Variants in PTCD3 observed in about 807,000 individuals in gnomAD.
PTCD3 encodes the protein pentatricopeptide repeat domain 3.
Under a neutral mutation model 101.9 loss-of-function variants are expected in PTCD3, and 89 were observed. The ratio of observed to expected loss-of-function variants is 0.87; its 90% CI spans 0.74 to 1.04. The LOEUF (loss-of-function observed/expected upper bound fraction) is 1.04, where lower values mean the gene tolerates loss of function less well. PTCD3 is among the 50% of genes least tolerant of loss of function. The pLI, the probability that PTCD3 is intolerant of heterozygous loss-of-function variation, is 0.00. For missense variants in PTCD3, 870 were observed against 828.2 expected (o/e 1.05, Z -0.62); for synonymous variants, 296 against 278.5 (o/e 1.06, Z -0.63).
chr2:86,138,774 C>G lies in PTCD3; in HGVS notation c.*1215C>G, dbSNP rs1674638813. The G allele has an allele frequency of 6.6e-6, 1 of 151,928 alleles. No homozygotes were observed. The highest frequency in any genetic ancestry group is 1.5e-5 in the Non-Finnish European group (1 of 68,018). The allele number at this position is 151,928 out of a possible 1,614,324, so 9.4% of individuals were successfully genotyped here. A position where few individuals can be genotyped will look rare whatever the true frequency, so the allele number is the denominator to read the frequency against. The stretch of plus-strand genomic sequence containing the variant: ...TTGCAGGACAGAGAGAGTAAATTAG[C>G]CTTCAGTCTTGGTTTACAGCTTCCA... On this transcript the variant is annotated 3_prime_UTR_variant, in exon 24 of 24. Coordinates refer to ENST00000254630, the MANE Select transcript of PTCD3 (RefSeq NM_017952.6).
intron 7 of PTCD3, chr2:86,119,622 C>T (rs2104452856): frequency 6.5e-6 from 1 of 153,148 alleles, no homozygotes; most frequent in East Asian, 1.9e-4. Flanking sequence ...TCCGTAAGTA[C>T]TGTGATTACA....
chr2:86,116,931 T>C (rs929397061), intron 5 of PTCD3, 124 bp from the exon 6 acceptor site: 11 of 625,352 alleles, frequency 1.8e-5, no homozygotes, highest in Non-Finnish European at 2.6e-5. Context: ...TAATTTCTAA[T>C]TGGGATTCTG....
chr2:86,128,055 T>C, intron 14 of PTCD3, 64 bp downstream of exon 14: 1 of 1,286,500 alleles, frequency 7.8e-7, no homozygotes, highest in Non-Finnish European at 1.1e-6. Context: ...TGAGTTTATG[T>C]GATTAATTGT....
chr2:86,135,416 A>T (rs1321759000), intron 21 of PTCD3, among the ~76,000 whole-genome samples: 1 of 152,224 alleles, frequency 6.6e-6, no homozygotes, highest in Non-Finnish European at 1.5e-5. Flanking sequence ...GGAAGCTGGC[A>T]TTTACGCACA....
At position 86,108,361 on chromosome 2, in the gene PTCD3, G is replaced by A. The variant is rs995617520; in HGVS notation, c.116G>A (p.Gly39Asp). 6.2e-7 allele frequency: 1 copy of A among 1,608,388 alleles called. No individual in the cohort carries two copies. Among genetic ancestry groups the A allele is most frequent in the Non-Finnish European group, 8.5e-7 (1 of 1,177,932 alleles). ...EQARSCRFYS[G>D]SATLSKVEGT... ...TTGTTTTTTTGCAGATTTTATTCTG[G>A]TAGTGCAACCCTCTCAAAGGTTGAA... is the stretch of plus-strand genomic sequence containing the variant. The change falls in exon 2 of 24, where the codon GGT (glycine) becomes GAT (aspartate). Residue 39 changes from glycine (G) to aspartate (D), a missense_variant. Gly to Asp is a moderately conservative substitution (Grantham distance 94, BLOSUM62 -1). Transcript: ENST00000254630.
intron 16 of PTCD3, among the ~76,000 whole-genome samples, 172 bp downstream of exon 16, chr2:86,131,278 T>C (rs1402878224): frequency 1.3e-5 from 2 of 152,138 alleles, no homozygotes; most frequent in African/African-American, 2.4e-5. Flanking sequence ...GGAGGTTCAC[T>C]GTGTCCCCCA....
chr2:86,115,543 C>T lies in PTCD3; in HGVS notation c.241-987C>T, dbSNP rs371439674. Among the ~76,000 whole-genome samples, 4 of 152,298 alleles carry T rather than the reference C, an allele frequency of 2.6e-5. No individual in the cohort carries two copies. In the South Asian group the frequency reaches 8.3e-4, roughly 32 times the overall value. On this transcript the variant is annotated intron_variant, in intron 4 of 23. Coordinates refer to ENST00000254630, the MANE Select transcript of PTCD3 (RefSeq NM_017952.6). ...AGCTAGGTCCAAAATAAAACACTGCCTCCAGGTTCCAGGTATGAGCAGCTT... is the reference window on the plus strand; with the variant it reads ...AGCTAGGTCCAAAATAAAACACTGCTTCCAGGTTCCAGGTATGAGCAGCTT...
At chr2:86,109,227 A>G (rs1424516756) in intron 3 of PTCD3, among the ~76,000 whole-genome samples, 2 of 152,134 alleles carry the variant, frequency 1.3e-5, no homozygotes, top group Admixed American at 6.5e-5. Flanking sequence ...AACACGGTGA[A>G]ACCCCGTCTC....
chr2:86,125,197 G>A (rs974038089), intron 10 of PTCD3, 115 bp downstream of exon 10: 2 of 1,472,432 alleles, frequency 1.4e-6, no homozygotes, highest in Non-Finnish European at 1.8e-6. Flanking sequence ...CCTGTGCATT[G>A]TAGGATGTTA....
chr2:86,124,468 TACA>T (rs575502040), intron 9 of PTCD3, among the ~76,000 whole-genome samples: 121 of 152,208 alleles, frequency 7.9e-4, no homozygotes, highest in Middle Eastern at 3.4e-3. Context: ...CTACTAAAAA[TACA>T]ACAATTAGCT....
At chr2:86,132,531 A>G (rs939806874) in intron 17 of PTCD3, 107 bp downstream of exon 17, 29 of 728,878 alleles carry the variant, frequency 4.0e-5, no homozygotes, top group African/African-American at 2.3e-4. Context: ...CAACATGCCA[A>G]TGATCTAATA....
chr2:86,112,112 A>G (rs1674098029), intron 4 of PTCD3: 1 of 148,448 alleles, frequency 6.7e-6, no homozygotes, highest in Admixed American at 6.8e-5. Flanking sequence ...GCTGAAGTGC[A>G]GTGGCACAGT....
At chr2:86,134,708 G>A in intron 20 of PTCD3, 131 bp from the exon 21 acceptor site, 1 of 1,030,102 alleles carries the variant, frequency 9.7e-7, no homozygotes, top group Admixed American at 2.3e-5. Context: ...TAAATTACTT[G>A]TGTGCTATAC....
At chr2:86,123,297 G>T (rs975963582) in intron 8 of PTCD3, among the ~76,000 whole-genome samples, 5 of 151,850 alleles carry the variant, frequency 3.3e-5, no homozygotes, top group African/African-American at 1.2e-4. Context: ...AGTTTGCTTG[G>T]GTGAGTGTTA....
At chr2:86,110,997 G>C (rs764449511) in intron 3 of PTCD3, 116 bp from the exon 4 acceptor site, 2 of 944,522 alleles carry the variant, frequency 2.1e-6, no homozygotes, top group African/African-American at 1.6e-5. Context: ...GACATAACCA[G>C]CTTCAGATGA....
In PTCD3 at chr2:86,140,734, A is replaced by G. The variant is rs1674667999; in HGVS notation, c.*3175A>G. ...ACATGGGATAATCAGATTACACAAAATCTAGGCAGTGAACAAGTCTTCATC... is the reference window on the plus strand; with the variant it reads ...ACATGGGATAATCAGATTACACAAAGTCTAGGCAGTGAACAAGTCTTCATC... On this transcript the variant is annotated 3_prime_UTR_variant, in exon 24 of 24. Transcript: ENST00000254630. 1 of 152,080 alleles carries G rather than the reference A, an allele frequency of 6.6e-6. No individual in the cohort carries two copies. The highest frequency in any genetic ancestry group is 2.4e-5 in the African/African-American group (1 of 41,422). 9.4% of individuals were successfully genotyped at this position (152,080 alleles called of 1,614,324 possible).
At chr2:86,119,169 G>T in intron 7 of PTCD3, 125 bp downstream of exon 7, 2 of 1,254,268 alleles carry the variant, frequency 1.6e-6, no homozygotes, top group Non-Finnish European at 2.2e-6. Context: ...TGATGGCTGC[G>T]TGCTTTATAT....
chr2:86,126,837 CAA>C (rs1001983868), intron 12 of PTCD3, among the ~76,000 whole-genome samples: 3 of 122,294 alleles, frequency 2.5e-5, no homozygotes, highest in South Asian at 2.7e-4. Context: ...AACTTTGTCT[CAA>C]AAAAAAAAAA....
chr2:86,136,252 G>A (rs1674582702), intron 21 of PTCD3, among the ~76,000 whole-genome samples: 1 of 152,194 alleles, frequency 6.6e-6, no homozygotes, highest in Non-Finnish European at 1.5e-5. Flanking sequence ...TATTCAACCT[G>A]TACCAGCAAA....
Sources: allele counts gnomAD v4.1 joint callset (sites outside exome capture counted in the v4.1 genomes callset), GRCh38; gene constraint gnomAD v4.1.1; transcripts MANE v1.5; gene names NCBI Gene and HGNC (gene_info 2026-07-23, HGNC 2026-07-21).